RGS6: variants seen among roughly 807,000 people sequenced by gnomAD.
The protein encoded by RGS6 is regulator of G-protein signaling 6.
In RGS6, 30 loss-of-function variants were observed where a neutral mutation model predicts 78.5. The ratio of observed to expected loss-of-function variants is 0.38; its 90% CI spans 0.29 to 0.52. RGS6 has a LOEUF of 0.52. Among genes scored for constraint, RGS6 ranks in the 20% least tolerant of loss-of-function variants. The pLI, the probability that RGS6 is intolerant of heterozygous loss-of-function variation, is 0.85. For synonymous variants in RGS6, 206 were observed against 206.0 expected, an observed-to-expected ratio of 1.00 and a Z score of 0.00; for missense variants, 495 against 609.7, an observed-to-expected ratio of 0.81 and a Z score of 1.98.
At chr14:72,472,292 G>C (rs191057500) in intron 8 of RGS6, among the ~76,000 whole-genome samples, 24 of 152,218 alleles carry the variant, frequency 1.6e-4, no homozygotes, top group African/African-American at 5.8e-4. Context: ...CCCCAGCTGA[G>C]GCCAGTGATA....
the RGS6 span, among the ~76,000 whole-genome samples, chr14:71,923,094 A>AT: frequency 4.6e-5 from 7 of 152,100 alleles, no homozygotes; most frequent in African/African-American, 1.4e-4. Flanking sequence ...TTTTTCCTTC[A>AT]TTTTTTATTG....
chr14:72,450,112 C>T (rs1334603047), intron 3 of RGS6, among the ~76,000 whole-genome samples: 1 of 152,054 alleles, frequency 6.6e-6, no homozygotes, highest in Middle Eastern at 3.4e-3. Context: ...CCCAAAATAA[C>T]CTAAAGTTAA....
At chr14:71,942,037 C>G (rs1389964604) in intron 1 of RGS6, among the ~76,000 whole-genome samples, 1 of 152,120 alleles carries the variant, frequency 6.6e-6, no homozygotes, top group Non-Finnish European at 1.5e-5. Flanking sequence ...TTGGTTGAAT[C>G]AATATTAGTT....
intron 2 of RGS6, among the ~76,000 whole-genome samples, chr14:72,228,282 G>C (rs1025285730): frequency 2.0e-5 from 3 of 152,144 alleles, no homozygotes; most frequent in Admixed American, 2.0e-4. Flanking sequence ...TTGGGAGGCT[G>C]AGGCAGGAGA....
At chr14:72,111,639 C>T (rs1252552050) in intron 2 of RGS6, among the ~76,000 whole-genome samples, 2 of 152,164 alleles carry the variant, frequency 1.3e-5, no homozygotes, top group Non-Finnish European at 2.9e-5. Flanking sequence ...ATCTGTTAGT[C>T]ACTCCACTCC....
At chr14:72,526,131 T>TC (rs1330980286) in intron 15 of RGS6, among the ~76,000 whole-genome samples, 1 of 150,972 alleles carries the variant, frequency 6.6e-6, no homozygotes. Flanking sequence ...TGAGAAGGAA[T>TC]CTTGCTCTGT....
intron 1 of RGS6, among the ~76,000 whole-genome samples, chr14:71,954,520 TAAC>T (rs2092639313): frequency 6.6e-6 from 1 of 152,190 alleles, no homozygotes; most frequent in Admixed American, 6.5e-5. Context: ...CAATGCATAA[TAAC>T]CACATCATGG....
chr14:72,024,834 G>A (rs1241708388), intron 2 of RGS6, among the ~76,000 whole-genome samples: 2 of 152,240 alleles, frequency 1.3e-5, no homozygotes, highest in East Asian at 3.9e-4. Flanking sequence ...CTGCATTAAC[G>A]AGATCCAGGG....
At chr14:72,519,058 C>G (rs2096993249) in intron 15 of RGS6, among the ~76,000 whole-genome samples, 1 of 152,218 alleles carries the variant, frequency 6.6e-6, no homozygotes, top group Admixed American at 6.5e-5. Context: ...AACCCCTGTT[C>G]TCACCGAGGT....
chr14:72,268,357 CTTCATTTCAT>C lies in RGS6; in HGVS notation c.85-83723_85-83714del, dbSNP rs540869716. Among the ~76,000 whole-genome samples the C allele has an allele frequency of 5.9e-5, 9 of 152,210 alleles. No homozygotes were observed. In the East Asian group the frequency reaches 9.6e-4, roughly 16 times the overall value. On this transcript the variant is annotated intron_variant, in intron 2 of 17. Transcript: ENST00000553525. ...CTGTAATGTTTTCTTTCTTTCTTTCCTTCATTTCATTTCATTTCATTTCACTTCATAGCAA... is the reference window on the plus strand; with the variant it reads ...CTGTAATGTTTTCTTTCTTTCTTTCCTTCATTTCATTTCACTTCATAGCAA...
intron 13 of RGS6, 146 bp from the exon 14 acceptor site, chr14:72,510,008 G>A: frequency 2.2e-6 from 2 of 908,418 alleles, no homozygotes; most frequent in Admixed American, 5.3e-5. Flanking sequence ...TGGAATTTGT[G>A]CAGCTTTTGT....
chr14:72,346,179 G>A, intron 2 of RGS6, among the ~76,000 whole-genome samples: 1 of 152,016 alleles, frequency 6.6e-6, no homozygotes, highest in East Asian at 1.9e-4. Context: ...TGAAGTTGTG[G>A]TAGATTTTTT....
intron 2 of RGS6, among the ~76,000 whole-genome samples, chr14:72,277,757 G>A (rs559695679): frequency 4.0e-5 from 6 of 151,876 alleles, no homozygotes; most frequent in South Asian, 4.2e-4. Flanking sequence ...GTGAAACCCC[G>A]TCTCTACCAA....
At chr14:72,240,713 T>C (rs2052552683) in intron 2 of RGS6, among the ~76,000 whole-genome samples, 1 of 152,152 alleles carries the variant, frequency 6.6e-6, no homozygotes, top group South Asian at 2.1e-4. Flanking sequence ...CTAGGTAAAT[T>C]TGAAAGGTAT....
chr14:72,591,414 AT>A, the RGS6 span, among the ~76,000 whole-genome samples: 7 of 151,860 alleles, frequency 4.6e-5, no homozygotes, highest in African/African-American at 7.3e-5. Flanking sequence ...CTTTTTTCTA[AT>A]TTTTTTTCCA....
chr14:72,547,092 C>T (rs2097417581), intron 17 of RGS6: 9 of 1,327,226 alleles, frequency 6.8e-6, no homozygotes, highest in East Asian at 2.5e-5. Flanking sequence ...GAGTGCAGGG[C>T]CCCCCGCAGG....
chr14:71,959,215 C>T (rs1024383946), intron 1 of RGS6, among the ~76,000 whole-genome samples: 1 of 152,142 alleles, frequency 6.6e-6, no homozygotes, highest in South Asian at 2.1e-4. Context: ...CTTCTTTCCC[C>T]TTGGGATTCC....
At chr14:71,882,590 A>G in the RGS6 span, among the ~76,000 whole-genome samples, 1 of 152,220 alleles carries the variant, frequency 6.6e-6, no homozygotes, top group South Asian at 2.1e-4. Context: ...AATGGGAATG[A>G]TCTGATTTTC....
At chr14:72,566,798 C>T (rs932340729), downstream of RGS6, among the ~76,000 whole-genome samples, 7 of 152,112 alleles carry the variant, frequency 4.6e-5, no homozygotes, top group Non-Finnish European at 7.4e-5. Flanking sequence ...GGCTGAAGTC[C>T]CTGACTCTGC....
Sources: gnomAD v4.1 joint callset for allele counts (sites outside exome capture counted in the v4.1 genomes callset) on GRCh38, gnomAD v4.1.1 for gene constraint, MANE v1.5 for transcripts, NCBI Gene and HGNC (gene_info 2026-07-23, HGNC 2026-07-21) for gene names.